The following MVB12A variants were observed in gnomAD, a reference collection of about 807,000 sequenced individuals.
MVB12A encodes the protein multivesicular body subunit 12A.
MVB12A carries 30 observed loss-of-function variants against 34.3 expected under a neutral mutation model. That is an observed-to-expected ratio of 0.88 (90% CI 0.65 to 1.19). MVB12A has a LOEUF of 1.19. Among genes scored for constraint, MVB12A ranks in the 50% most tolerant of loss-of-function variants. The probability of loss-of-function intolerance (pLI) is 0.00; values close to 1 mark genes in which losing one functional copy is unlikely to be tolerated. For synonymous variants in MVB12A, 158 were observed against 158.9 expected (o/e 0.99, Z 0.04); for missense variants, 355 against 369.2 (o/e 0.96, Z 0.31).
At chr19:17,419,900 C>T (rs568977715), upstream of MVB12A, 3 of 385,170 alleles carry the variant, frequency 7.8e-6, no homozygotes, top group East Asian at 7.6e-5. Flanking sequence ...TTTTTTTCCG[C>T]CATCATCGCT....
At chr19:17,417,636 T>TA (rs1568389817), upstream of MVB12A, 13 of 151,160 alleles carry the variant, frequency 8.6e-5, no homozygotes, top group South Asian at 4.2e-4. Flanking sequence ...AAATAAATTT[T>TA]AAAAAATAAA....
At chr19:17,421,085 T>C (rs2074835712) in intron 3 of MVB12A, 3 of 459,470 alleles carry the variant, frequency 6.5e-6, no homozygotes, top group South Asian at 4.6e-5. Flanking sequence ...CCCACAACCC[T>C]AGTGCAGCCC....
At chr19:17,422,498 T>C (rs1459297974) in intron 4 of MVB12A, 40 bp downstream of exon 4, 2 of 1,571,378 alleles carry the variant, frequency 1.3e-6, no homozygotes, top group Middle Eastern at 1.7e-4. Flanking sequence ...TTCCCTGCCC[T>C]CCCAACTCAT....
At position 17,425,019 on chromosome 19, in the gene MVB12A, C is replaced by T; in HGVS notation, c.*26C>T. On this transcript the variant is annotated 3_prime_UTR_variant, in exon 9 of 9. Transcript: ENST00000317040. ...TCCCTCACCCTTCCGCGGAAAGAGCCCCCTTACTCCACCTCCCCGCCAGCC... is the reference window on the plus strand; with the variant it reads ...TCCCTCACCCTTCCGCGGAAAGAGCTCCCTTACTCCACCTCCCCGCCAGCC... 1 of 1,484,066 alleles carries T rather than the reference C, an allele frequency of 6.7e-7. No individual in the cohort carries two copies. Among genetic ancestry groups the T allele is most frequent in the Non-Finnish European group, 9.3e-7 (1 of 1,077,966 alleles). 91.9% of individuals were successfully genotyped at this position (1,484,066 alleles called of 1,614,324 possible).
upstream of MVB12A, chr19:17,417,935 C>T (rs547158742): frequency 8.5e-4 from 207 of 244,386 alleles, 1 homozygote; most frequent in African/African-American, 1.7e-3. Flanking sequence ...TTCACTCTGT[C>T]GCCCAGGCTG....
upstream of MVB12A, chr19:17,416,939 C>A: frequency 5.1e-6 from 1 of 197,776 alleles, no homozygotes; most frequent in Admixed American, 5.3e-5. Context: ...GACCTCCACC[C>A]GCCTTGGCCT....
chr19:17,417,849 G>T, upstream of MVB12A: 1 of 321,640 alleles, frequency 3.1e-6, no homozygotes, highest in Non-Finnish European at 6.2e-6. Context: ...AATATTTCTT[G>T]GAAAATTCTG....
At chr19:17,411,946 A>C (rs1262813718) in intron 2 of MVB12A, among the ~76,000 whole-genome samples, 1 of 152,212 alleles carries the variant, frequency 6.6e-6, no homozygotes, top group Non-Finnish European at 1.5e-5. Context: ...GCCTGTAGGA[A>C]GTCGCTGGCC....
chr19:17,415,940 A>C (rs1003904015), upstream of MVB12A, among the ~76,000 whole-genome samples: 1 of 152,258 alleles, frequency 6.6e-6, no homozygotes, highest in Non-Finnish European at 1.5e-5. Context: ...TGCAAAAGTT[A>C]TATCAGTGAG....
In MVB12A at chr19:17,425,059, C is replaced by G. The variant is rs1000102962; in HGVS notation, c.*66C>G. 2.6e-5 allele frequency: 15 copies of G among 566,880 alleles called. No individual in the cohort carries two copies. Among genetic ancestry groups the G allele is most frequent in the South Asian group, 5.9e-5 (2 of 33,894 alleles). The allele number at this position is 566,880 out of a possible 1,614,324, so 35.1% of individuals were successfully genotyped here. ...CCCCGCCAGCCTGGGGCCACCCCCC[C>G]TCACTGCATCCTGGGGCCACCCCCA... On this transcript the variant is annotated 3_prime_UTR_variant, in exon 9 of 9. Transcript: ENST00000317040.
At chr19:17,406,565 C>T (rs1268125503) in intron 2 of MVB12A, among the ~76,000 whole-genome samples, 1 of 151,920 alleles carries the variant, frequency 6.6e-6, no homozygotes, top group Non-Finnish European at 1.5e-5. Flanking sequence ...TAGGCGAGGT[C>T]AAGTCCAGAG....
chr19:17,407,335 A>C (rs1441430663), intron 2 of MVB12A, among the ~76,000 whole-genome samples: 1 of 152,186 alleles, frequency 6.6e-6, no homozygotes, highest in Non-Finnish European at 1.5e-5. Context: ...AGATAAAAGA[A>C]AAGACAGCTG....
chr19:17,418,692 A>C (rs1258702014), upstream of MVB12A: 2 of 151,878 alleles, frequency 1.3e-5, no homozygotes, highest in Non-Finnish European at 2.9e-5. Flanking sequence ...GCCCGGCTTA[A>C]AAGCATATTA....
chr19:17,410,448 A>G (rs1346134256), intron 2 of MVB12A, among the ~76,000 whole-genome samples: 1 of 144,930 alleles, frequency 6.9e-6, no homozygotes, highest in Non-Finnish European at 1.5e-5. Flanking sequence ...TTGGAATTAC[A>G]GGAGTAAGCC....
chr19:17,423,612 G>A lies in MVB12A; in HGVS notation c.528G>A (p.Gln176=). Reference sequence around the variant, plus strand: ...GCCTCTCTCTGGATGCAGCCAGCCAGCCAAGGTGAGTCCTCAGGCACCGGA... The same window carrying A: ...GCCTCTCTCTGGATGCAGCCAGCCAACCAAGGTGAGTCCTCAGGCACCGGA... ...MQGLSLDAAS[Q]PSKGGLLERT... Residue 176 remains glutamine (Q), a synonymous_variant, in exon 5 of 9, where the codon CAG becomes CAA. Transcript: ENST00000317040. 6.2e-7 allele frequency: 1 copy of A among 1,614,008 alleles called. No homozygotes were observed. The highest frequency in any genetic ancestry group is 1.3e-5 in the African/African-American group (1 of 75,066).
At chr19:17,420,496 C>T (rs2074831275) in intron 2 of MVB12A, 42 bp from the exon 3 acceptor site, 1 of 1,583,664 alleles carries the variant, frequency 6.3e-7, no homozygotes. Flanking sequence ...TGCGCTGTCC[C>T]CGCTGCTAGC....
intron 4 of MVB12A, 131 bp from the exon 5 acceptor site, chr19:17,423,367 A>G: frequency 7.8e-6 from 10 of 1,288,614 alleles, no homozygotes; most frequent in Non-Finnish European, 1.1e-5. Context: ...CCCCAAAAAA[A>G]AAAAAAAAAA....
intron 4 of MVB12A, 104 bp downstream of exon 4, chr19:17,422,562 C>A: frequency 8.7e-7 from 1 of 1,152,334 alleles, no homozygotes; most frequent in Non-Finnish European, 1.2e-6. Context: ...GTTCCTTCTT[C>A]TACCTTCTGA....
chr19:17,412,007 T>C (rs919172098), intron 2 of MVB12A, among the ~76,000 whole-genome samples: 2 of 152,158 alleles, frequency 1.3e-5, no homozygotes, highest in East Asian at 1.9e-4. Context: ...ACATTTTTAT[T>C]GTCACCGCGG....
Sources: gnomAD v4.1 joint callset for allele counts (sites outside exome capture counted in the v4.1 genomes callset) on GRCh38, gnomAD v4.1.1 for gene constraint, MANE v1.5 for transcripts, NCBI Gene and HGNC (gene_info 2026-07-23, HGNC 2026-07-21) for gene names.